The following SMURF2 variants were observed in gnomAD, a reference collection of about 807,000 sequenced individuals.
SMURF2 encodes the protein SMAD specific E3 ubiquitin protein ligase 2.
A neutral mutation model predicts 109.6 loss-of-function variants in SMURF2; 48 were observed. That is an observed-to-expected ratio of 0.44 (90% confidence interval 0.35 to 0.56). The LOEUF (loss-of-function observed/expected upper bound fraction) is 0.56. Ranked by LOEUF, SMURF2 falls within the 20% of genes least tolerant of loss-of-function variation. SMURF2 has a pLI of 0.01. For missense variants in SMURF2, 575 were observed against 909.0 expected, an observed-to-expected ratio of 0.63 and a Z score of 4.72; for synonymous variants, 288 against 317.1, an observed-to-expected ratio of 0.91 and a Z score of 0.97.
chr17:64,654,426 A>G (rs1293987503), intron 1 of SMURF2, among the ~76,000 whole-genome samples: 1 of 152,234 alleles, frequency 6.6e-6, no homozygotes, highest in East Asian at 1.9e-4. Flanking sequence ...AATGAAATAA[A>G]ATTTCTCACT....
chr17:64,561,827 T>C (rs1279779866), intron 11 of SMURF2, among the ~76,000 whole-genome samples: 2 of 151,822 alleles, frequency 1.3e-5, no homozygotes, highest in Non-Finnish European at 2.9e-5. Context: ...TGAAACTCTG[T>C]CTATACAAAA....
At chr17:64,651,754 G>A (rs529283873) in intron 1 of SMURF2, among the ~76,000 whole-genome samples, 14 of 151,860 alleles carry the variant, frequency 9.2e-5, no homozygotes, top group South Asian at 2.1e-4. Flanking sequence ...GAGGCCCCAT[G>A]TCTACAAAAA....
intron 1 of SMURF2, among the ~76,000 whole-genome samples, chr17:64,659,141 G>A (rs1337917210): frequency 1.3e-5 from 2 of 152,152 alleles, no homozygotes; most frequent in East Asian, 3.8e-4. Flanking sequence ...TCTTCAGAGA[G>A]AGTGTGTATG....
intron 1 of SMURF2, among the ~76,000 whole-genome samples, chr17:64,615,967 T>C (rs1970115137): frequency 6.6e-6 from 1 of 152,020 alleles, no homozygotes; most frequent in Non-Finnish European, 1.5e-5. Context: ...GTAGCTGGGA[T>C]TACAGGCATG....
intron 1 of SMURF2, among the ~76,000 whole-genome samples, chr17:64,646,923 A>C (rs1423162796): frequency 1.3e-5 from 2 of 152,180 alleles, no homozygotes; most frequent in African/African-American, 2.4e-5. Flanking sequence ...AGAAAATATG[A>C]AAGATCAATC....
intron 1 of SMURF2, among the ~76,000 whole-genome samples, chr17:64,655,252 CTTTTTTT>C (rs749497302): frequency 1.9e-4 from 16 of 85,904 alleles, no homozygotes; most frequent in South Asian, 7.6e-4. Flanking sequence ...AATGAAATGT[CTTTTTTT>C]TTTTTTTTTT....
chr17:64,598,465 C>G lies in SMURF2; in HGVS notation c.117G>C (p.Val39=), dbSNP rs782115817. The G allele has an allele frequency of 6.2e-7, 1 of 1,608,384 alleles. No individual in the cohort carries two copies. Among genetic ancestry groups the G allele is most frequent in the Non-Finnish European group, 8.5e-7 (1 of 1,178,232 alleles). Residue 39 remains valine, a synonymous_variant, in exon 3 of 19, where the codon GTG becomes GTC. Coordinates refer to ENST00000262435, the MANE Select transcript of SMURF2 (RefSeq NM_022739.4). Reference sequence around the variant, plus strand: ...GGCATTGCCCAGATCCATCAACCACCACCTTAGCAAATGGATCAGGAAGTC... The same window carrying G: ...GGCATTGCCCAGATCCATCAACCACGACCTTAGCAAATGGATCAGGAAGTC... The part of the protein sequence containing the change: ...FFRLPDPFAK[V]VVDGSGQCHS...
intron 1 of SMURF2, among the ~76,000 whole-genome samples, chr17:64,656,804 A>C (rs1481538149): frequency 6.6e-6 from 1 of 152,190 alleles, no homozygotes; most frequent in Admixed American, 6.6e-5. Context: ...GTTATCCTAA[A>C]ACCAGTCTTC....
intron 1 of SMURF2, among the ~76,000 whole-genome samples, chr17:64,616,312 G>A (rs1555690085): frequency 6.6e-6 from 1 of 152,042 alleles, no homozygotes; most frequent in Non-Finnish European, 1.5e-5. Context: ...TAGAGATGAG[G>A]AAACTGAGAT....
At chr17:64,615,637 G>T (rs1555690036) in intron 1 of SMURF2, among the ~76,000 whole-genome samples, 2 of 152,128 alleles carry the variant, frequency 1.3e-5, no homozygotes, top group African/African-American at 4.8e-5. Context: ...TTTAGTTATT[G>T]TTGCTTGAAA....
chr17:64,613,503 G>T (rs1350440151), intron 1 of SMURF2, among the ~76,000 whole-genome samples: 1 of 152,052 alleles, frequency 6.6e-6, no homozygotes, highest in African/African-American at 2.4e-5. Context: ...AAGAAAATAG[G>T]TAAAAATGTT....
Position 64,621,953 on chromosome 17 carries a change from A to AATG in SMURF2, c.53-15314_53-15313insCAT, listed in dbSNP as rs1970210699. Among the ~76,000 whole-genome samples, 16 of 93,084 alleles carry AATG rather than the reference A, an allele frequency of 1.7e-4. 1 individual carries two copies. In the South Asian group the frequency reaches 5.0e-3, roughly 29 times the overall value. The allele number at this position is 93,084 out of a possible 152,430, so 61.1% of individuals were successfully genotyped here. On this transcript the variant is annotated intron_variant, in intron 1 of 18. Coordinates refer to ENST00000262435, the MANE Select transcript of SMURF2 (RefSeq NM_022739.4). ...AAGCACTGTAGTGAGCCATCATCGC[A>AATG]ATAATAATAATAATAATAATAATAA...
chr17:64,612,759 T>TA (rs141010300), intron 1 of SMURF2, among the ~76,000 whole-genome samples: 9,046 of 151,266 alleles, frequency 0.06, 378 homozygotes, highest in Admixed American at 0.15. Context: ...AACCAATTCT[T>TA]AAAAAAAAAT....
chr17:64,632,357 G>A (rs781888337), intron 1 of SMURF2, among the ~76,000 whole-genome samples: 90 of 152,082 alleles, frequency 5.9e-4, no homozygotes, highest in African/African-American at 2.1e-3. Flanking sequence ...TCAGATGTCC[G>A]GAGCTAGACT....
chr17:64,639,517 C>T (rs1056089123), intron 1 of SMURF2, among the ~76,000 whole-genome samples: 6 of 151,902 alleles, frequency 3.9e-5, no homozygotes, highest in African/African-American at 1.2e-4. Context: ...GCGGAGGTTG[C>T]AGTAAATTGA....
intron 8 of SMURF2, 46 bp downstream of exon 8, chr17:64,580,743 T>C: frequency 6.4e-7 from 1 of 1,563,260 alleles, no homozygotes; most frequent in Non-Finnish European, 8.8e-7. Context: ...CTCAGCAAAC[T>C]GAAATCAGTA....
chr17:64,564,475 C>G (rs2144609593), intron 10 of SMURF2, among the ~76,000 whole-genome samples: 1 of 152,302 alleles, frequency 6.6e-6, no homozygotes. Flanking sequence ...GGCTCAACAT[C>G]TGGTCAACCT....
intron 1 of SMURF2, among the ~76,000 whole-genome samples, chr17:64,631,136 T>C (rs1354210801): frequency 6.6e-5 from 10 of 150,512 alleles, no homozygotes; most frequent in African/African-American, 2.4e-4. Flanking sequence ...ACCCCATCTC[T>C]ACAAAAAATT....
intron 16 of SMURF2, among the ~76,000 whole-genome samples, chr17:64,550,779 A>G (rs1355873618): frequency 6.7e-6 from 1 of 148,504 alleles, no homozygotes; most frequent in Non-Finnish European, 1.5e-5. Flanking sequence ...AAAAAAAAAG[A>G]GAGAGACATT....
Sources: allele counts gnomAD v4.1 joint callset (sites outside exome capture counted in the v4.1 genomes callset), GRCh38; gene constraint gnomAD v4.1.1; transcripts MANE v1.5; gene names NCBI Gene and HGNC (gene_info 2026-07-23, HGNC 2026-07-21).